Variants in CTDP1 observed in about 807,000 individuals in gnomAD.
CTDP1 encodes CTD phosphatase 1.
In CTDP1, 47 loss-of-function variants were observed where a neutral mutation model predicts 91.8. That is an observed-to-expected ratio of 0.51 (90% CI 0.41 to 0.65). The LOEUF (loss-of-function observed/expected upper bound fraction) is 0.65. Ranked by LOEUF, CTDP1 falls within the 30% of genes least tolerant of loss-of-function variation. CTDP1 has a pLI of 0.00. For synonymous variants in CTDP1, 656 were observed against 598.5 expected (o/e 1.10, Z -1.40); for missense variants, 1,272 against 1,373.7 (o/e 0.93, Z 1.17).
At chr18:79,753,596 G>T in intron 12 of CTDP1, 56 bp from the exon 13 acceptor site, 2 of 1,613,616 alleles carry the variant, frequency 1.2e-6, no homozygotes, top group South Asian at 2.2e-5. Flanking sequence ...ACCAGGCGGT[G>T]ACCCGGCGTT....
chr18:79,747,920 C>T (rs866339312), intron 12 of CTDP1, among the ~76,000 whole-genome samples: 13 of 152,310 alleles, frequency 8.5e-5, no homozygotes, highest in African/African-American at 1.7e-4. Context: ...GGTGCCAAAT[C>T]GTGTGCACTG....
At position 79,718,000 on chromosome 18, in the gene CTDP1, G is replaced by A. The variant is rs1167775867; in HGVS notation, c.2401G>A (p.Glu801Lys). Residue 801 changes from glutamate (E) to lysine (K), a missense_variant, in exon 10 of 13, where the codon GAG becomes AAG. Glu to Lys is a moderately conservative substitution (Grantham distance 56). Around this residue, in one of 3 missense-constraint regions of CTDP1, gnomAD observed 881 missense variants for 911.6 expected, o/e 0.97. Coordinates refer to ENST00000613122, the MANE Select transcript of CTDP1 (RefSeq NM_004715.5). Reference sequence around the variant, plus strand: ...CTCCAGCTCCCTACCCATCCGCCAGGAGCCCTCTTCCTTCAGGTACGTGGC... The same window carrying A: ...CTCCAGCTCCCTACCCATCCGCCAGAAGCCCTCTTCCTTCAGGTACGTGGC... ...APSSSLPIRQEPSSFRAVPPP... is the reference protein window; with the variant it reads ...APSSSLPIRQKPSSFRAVPPP... The A allele has an allele frequency of 5.6e-6, 9 of 1,613,328 alleles. No individual in the cohort carries two copies. In the East Asian group the frequency reaches 2.0e-4, roughly 36 times the overall value.
intron 5 of CTDP1, among the ~76,000 whole-genome samples, chr18:79,708,933 A>AAATGTT (rs774430000): frequency 1.2e-4 from 18 of 152,288 alleles, no homozygotes; most frequent in Non-Finnish European, 2.1e-4. Context: ...TAAACTCAGT[A>AAATGTT]AATGTTAAAT....
chr18:79,744,434 A>T (rs761241951), intron 12 of CTDP1, among the ~76,000 whole-genome samples: 2 of 152,260 alleles, frequency 1.3e-5, no homozygotes, highest in Non-Finnish European at 2.9e-5. Flanking sequence ...GAAGACAGGA[A>T]CTAAAACTAC....
intron 10 of CTDP1, among the ~76,000 whole-genome samples, chr18:79,724,569 T>C (rs533937416): frequency 6.6e-6 from 1 of 152,224 alleles, no homozygotes; most frequent in South Asian, 2.1e-4. Flanking sequence ...CTGTGTTTGT[T>C]CCATCTGCTA....
rs778860999 is a variant in CTDP1, at chr18:79,697,871, G to A, written c.504G>A (p.Gln168=). ...ELMVSSEQAE[Q]LGREDQQRLH... is the part of the protein sequence containing the mutation. ...CTTTTTAATTGTAGCAAGCTGAACA[G>A]CTGGGAAGAGAAGACCAGCAGCGAC... Residue 168 remains glutamine, a synonymous_variant, in exon 4 of 13, where the codon CAG becomes CAA. Coordinates refer to ENST00000613122, the MANE Select transcript of CTDP1 (RefSeq NM_004715.5). 6.2e-7 allele frequency: 1 copy of A among 1,614,222 alleles called. No individual in the cohort carries two copies. The highest frequency in any genetic ancestry group is 1.7e-5 in the Admixed American group (1 of 60,032).
intron 10 of CTDP1, among the ~76,000 whole-genome samples, chr18:79,720,544 T>C (rs639314): frequency 0.77 from 113,935 of 148,612 alleles, 43,514 homozygotes; most frequent in Middle Eastern, 0.8. Flanking sequence ...ATTAGCGCAT[T>C]CTGGTGATGA....
intron 12 of CTDP1, among the ~76,000 whole-genome samples, chr18:79,739,055 T>C (rs754967062): frequency 1.2e-4 from 18 of 152,088 alleles, no homozygotes; most frequent in Non-Finnish European, 2.4e-4. Flanking sequence ...TCTGGGAGGG[T>C]TCCACTGCCC....
Position 79,715,061 on chromosome 18 carries a change from A to T in CTDP1, c.1601A>T (p.Glu534Val). Residue 534 changes from glutamate to valine, a missense_variant, in exon 8 of 13, where the codon GAG (glutamate) becomes GTG (valine). Glu to Val is a moderately radical substitution (Grantham distance 121). This residue lies in a region of CTDP1 where 881 missense variants were observed against 911.6 expected (regional missense o/e 0.97). Transcript: ENST00000613122. The part of the protein sequence containing the change: ...PDKEPELGGQ[E>V]EGERDGLCGL... ...AAGGAGCCTGAGCTGGGTGGGCAGG[A>T]GGAGGGCGAGCGGGATGGCCTCTGC... 4 of 1,611,564 alleles carry T rather than the reference A, an allele frequency of 2.5e-6. No homozygotes were observed. The highest frequency in any genetic ancestry group is 3.4e-6 in the Non-Finnish European group (4 of 1,179,362).
chr18:79,753,525 C>T, intron 12 of CTDP1, 127 bp from the exon 13 acceptor site: 16 of 1,470,830 alleles, frequency 1.1e-5, no homozygotes, highest in African/African-American at 1.4e-5. Flanking sequence ...CTGTGTGTGT[C>T]CTTGACCAGA....
chr18:79,736,964 T>A (rs1052749131), intron 12 of CTDP1, among the ~76,000 whole-genome samples: 13 of 152,104 alleles, frequency 8.5e-5, no homozygotes, highest in African/African-American at 3.1e-4. Flanking sequence ...TGCACAGGCG[T>A]GTGCAGGGTC....
intron 12 of CTDP1, among the ~76,000 whole-genome samples, chr18:79,741,831 T>C (rs1301581296): frequency 6.6e-6 from 1 of 152,232 alleles, no homozygotes; most frequent in Non-Finnish European, 1.5e-5. Context: ...ACATCAAAGT[T>C]GTTTTTAATC....
chr18:79,706,723 C>T (rs1053507298), intron 5 of CTDP1, among the ~76,000 whole-genome samples: 13 of 152,356 alleles, frequency 8.5e-5, no homozygotes, highest in African/African-American at 3.1e-4. Context: ...TGGACTGGAT[C>T]CTCTGGGTGA....
intron 1 of CTDP1, among the ~76,000 whole-genome samples, chr18:79,682,561 G>A (rs192264187): frequency 1.3e-5 from 2 of 152,360 alleles, no homozygotes; most frequent in East Asian, 3.9e-4. Flanking sequence ...TGGTCTGCGA[G>A]GGCCACCTTT....
chr18:79,705,622 G>A (rs774977305), intron 5 of CTDP1, among the ~76,000 whole-genome samples: 8 of 151,916 alleles, frequency 5.3e-5, no homozygotes, highest in Non-Finnish European at 1.0e-4. Flanking sequence ...TGGACAAAGC[G>A]AGGGGGCTGC....
chr18:79,696,104 A>G lies in CTDP1; in HGVS notation c.492+34A>G, dbSNP rs369031086. 12 of 1,589,648 alleles carry G rather than the reference A, an allele frequency of 7.5e-6. No individual in the cohort carries two copies. In the African/African-American group the frequency reaches 1.1e-4, roughly 14 times the overall value. ...GGCATCAGTGGCGGCGTGTTGGGGA[A>G]GCGTGGTGCTCTGAGGAGGGCGGCT... is the stretch of plus-strand genomic sequence containing the variant. On this transcript the variant is annotated intron_variant, in intron 3 of 12. Transcript: ENST00000613122.
At chr18:79,724,538 G>A (rs918318343) in intron 10 of CTDP1, among the ~76,000 whole-genome samples, 2 of 152,134 alleles carry the variant, frequency 1.3e-5, no homozygotes, top group African/African-American at 2.4e-5. Context: ...CATTTCCGTG[G>A]TGAATAATTA....
chr18:79,726,468 G>A (rs2086445095), intron 10 of CTDP1, among the ~76,000 whole-genome samples: 1 of 152,088 alleles, frequency 6.6e-6, no homozygotes, highest in Non-Finnish European at 1.5e-5. Context: ...CTTGGCCCTT[G>A]TTGATTGTCC....
In CTDP1 at chr18:79,715,558, T is replaced by C. The variant is rs141527633; in HGVS notation, c.2068+30T>C. 724 of 1,532,360 alleles carry C rather than the reference T, an allele frequency of 4.7e-4. 8 individuals are homozygous for C. In the African/African-American group the frequency reaches 8.8e-3, roughly 19 times the overall value. 94.9% of individuals were successfully genotyped at this position (1,532,360 alleles called of 1,614,324 possible). ...GTGCTGCCTCCCTGTGCCCTGGGCA[T>C]GGTCAGGCCCGCGGGCTCCTTGCAG... On this transcript the variant is annotated intron_variant, in intron 8 of 12. Transcript: ENST00000613122.
Sources: gnomAD v4.1 joint callset for allele counts (sites outside exome capture counted in the v4.1 genomes callset) on GRCh38, gnomAD v4.1.1 for gene constraint, gnomAD v4.1.1 regional missense constraint, MANE v1.5 for transcripts, NCBI Gene and HGNC (gene_info 2026-07-23, HGNC 2026-07-21) for gene names.